ZFAND3: variants seen among roughly 807,000 people sequenced by gnomAD.
ZFAND3 encodes zinc finger AN1-type containing 3, also known as AN1-type zinc finger protein 3.
Under a neutral mutation model 29.6 loss-of-function variants are expected in ZFAND3, and 10 were observed. That is an observed-to-expected ratio of 0.34 (90% confidence interval 0.21 to 0.57). ZFAND3 has a LOEUF of 0.57. Among genes scored for constraint, ZFAND3 ranks in the 20% least tolerant of loss-of-function variants. The pLI is 0.86. For missense variants in ZFAND3, 230 were observed against 304.5 expected, an observed-to-expected ratio of 0.76 and a Z score of 1.82; for synonymous variants, 128 against 112.6, an observed-to-expected ratio of 1.14 and a Z score of -0.87.
chr6:38,097,950 C>T (rs140347746), intron 4 of ZFAND3, among the ~76,000 whole-genome samples: 200 of 152,256 alleles, frequency 1.3e-3, no homozygotes, highest in African/African-American at 4.6e-3. Flanking sequence ...AACAGGTGAG[C>T]GCTGTGAATG....
At chr6:38,086,175 G>A (rs1392300550) in intron 4 of ZFAND3, among the ~76,000 whole-genome samples, 1 of 152,144 alleles carries the variant, frequency 6.6e-6, no homozygotes, top group Non-Finnish European at 1.5e-5. Context: ...GTCTTTGTGA[G>A]ATAGATGGGA....
At chr6:37,967,217 C>G (rs1241709633) in intron 2 of ZFAND3, among the ~76,000 whole-genome samples, 1 of 152,146 alleles carries the variant, frequency 6.6e-6, no homozygotes, top group African/African-American at 2.4e-5. Flanking sequence ...TAATTTGTAT[C>G]TACTTATACT....
chr6:37,929,892 A>C (rs1287384916), intron 1 of ZFAND3, 67 bp from the exon 2 acceptor site: 1 of 1,452,554 alleles, frequency 6.9e-7, no homozygotes. Context: ...CTGACATCTT[A>C]TGTTTTGATT....
intron 2 of ZFAND3, among the ~76,000 whole-genome samples, chr6:38,014,481 C>A (rs1259913040): frequency 6.6e-6 from 1 of 152,068 alleles, no homozygotes; most frequent in East Asian, 1.9e-4. Context: ...CACCTGCCAC[C>A]ATGCCCAGCT....
intron 2 of ZFAND3, among the ~76,000 whole-genome samples, chr6:38,058,833 T>C (rs1400104816): frequency 3.3e-5 from 5 of 152,204 alleles, no homozygotes; most frequent in Non-Finnish European, 5.9e-5. Context: ...CTTGTTAGGG[T>C]TTTCCTGATG....
intron 3 of ZFAND3, among the ~76,000 whole-genome samples, chr6:38,079,081 A>G (rs1764608064): frequency 6.6e-6 from 1 of 152,154 alleles, no homozygotes; most frequent in Admixed American, 6.5e-5. Flanking sequence ...TTGATTTGGA[A>G]CTACCTGTAA....
chr6:37,908,787 T>C (rs941968245), intron 1 of ZFAND3, among the ~76,000 whole-genome samples: 6 of 150,334 alleles, frequency 4.0e-5, no homozygotes, highest in African/African-American at 1.5e-4. Context: ...TGCTTAGAGG[T>C]ACTGAATGCC....
At chr6:37,904,196 G>A (rs1474556618) in intron 1 of ZFAND3, among the ~76,000 whole-genome samples, 1 of 152,222 alleles carries the variant, frequency 6.6e-6, no homozygotes, top group Non-Finnish European at 1.5e-5. Flanking sequence ...GGAAGCCTAT[G>A]TGGGTGTATA....
intron 2 of ZFAND3, among the ~76,000 whole-genome samples, chr6:38,003,538 G>A (rs537749797): frequency 4.0e-5 from 6 of 149,088 alleles, no homozygotes; most frequent in South Asian, 4.2e-4. Flanking sequence ...CACTTTTGTC[G>A]CCCAGGCTGG....
At chr6:38,144,211 A>ATATATATATATAT (rs70981524) in intron 5 of ZFAND3, among the ~76,000 whole-genome samples, 3 of 45,852 alleles carry the variant, frequency 6.5e-5, no homozygotes, top group African/African-American at 2.5e-4. Context: ...ATATATATAT[A>ATATATATATATAT]ATATATAATA....
At chr6:38,144,423 A>C (rs1470996692) in intron 5 of ZFAND3, among the ~76,000 whole-genome samples, 1 of 151,862 alleles carries the variant, frequency 6.6e-6, no homozygotes, top group African/African-American at 2.4e-5. Context: ...TGTCTGCTGG[A>C]GCTCATGTGC....
At chr6:38,124,631 C>T (rs1581938885) in intron 5 of ZFAND3, among the ~76,000 whole-genome samples, 1 of 152,242 alleles carries the variant, frequency 6.6e-6, no homozygotes, top group Non-Finnish European at 1.5e-5. Context: ...CCGCCAAGCC[C>T]ATGCCCATCT....
intron 1 of ZFAND3, among the ~76,000 whole-genome samples, chr6:37,851,707 A>G (rs1038166279): frequency 6.6e-6 from 1 of 152,208 alleles, no homozygotes; most frequent in African/African-American, 2.4e-5. Flanking sequence ...ATAGAAGTAA[A>G]GATTTCTGTC....
Position 37,932,288 on chromosome 6 carries a change from G to A in ZFAND3, c.112+2289G>A, listed in dbSNP as rs74878066. ...AAAAAAAAAAATAAATAAATAAAAGGACTGTATTCTGCTGCTTACCTTATG... is the reference window on the plus strand; with the variant it reads ...AAAAAAAAAAATAAATAAATAAAAGAACTGTATTCTGCTGCTTACCTTATG... On this transcript the variant is annotated intron_variant, in intron 2 of 5. Transcript: ENST00000287218. Among the ~76,000 whole-genome samples, 448 of 151,992 alleles carry A rather than the reference G, an allele frequency of 2.9e-3. 5 individuals are homozygous for A. Among genetic ancestry groups the A allele is most frequent in the African/African-American group, 9.8e-3 (408 of 41,488 alleles).
intron 1 of ZFAND3, among the ~76,000 whole-genome samples, chr6:37,856,973 TCA>T (rs1764395653): frequency 1.3e-5 from 2 of 151,828 alleles, no homozygotes; most frequent in Admixed American, 1.3e-4. Context: ...AGACAAGATC[TCA>T]CTCTGTTACC....
chr6:37,819,826 T>G lies in ZFAND3; in HGVS notation c.-120T>G. The G allele has an allele frequency of 5.7e-5, 27 of 472,458 alleles. No individual in the cohort carries two copies. Among genetic ancestry groups the G allele is most frequent in the South Asian group, 1.8e-4 (2 of 11,158 alleles). 29.3% of individuals were successfully genotyped at this position (472,458 alleles called of 1,614,324 possible). ...GACTCGCGCCCGCCCGCGCGCCCGC[T>G]CCTTCCCCCTCCCCCCGCCCCGAGC... is the stretch of plus-strand genomic sequence containing the variant. On this transcript the variant is annotated 5_prime_UTR_variant, in exon 1 of 6. Coordinates refer to ENST00000287218, the MANE Select transcript of ZFAND3 (RefSeq NM_021943.3).
chr6:37,915,961 G>A (rs910533680), intron 1 of ZFAND3, among the ~76,000 whole-genome samples: 16 of 151,812 alleles, frequency 1.1e-4, no homozygotes, highest in Non-Finnish European at 2.1e-4. Context: ...TAGAGACAGG[G>A]TTTCACCATG....
chr6:37,914,676 T>TTTTCTTTTTTTTTC (rs1761204799), intron 1 of ZFAND3, among the ~76,000 whole-genome samples: 2 of 127,910 alleles, frequency 1.6e-5, no homozygotes, highest in Non-Finnish European at 3.6e-5. Context: ...TTTTTTCTTT[T>TTTTCTTTTTTTTTC]TTTTTTAGTG....
At chr6:37,974,770 A>G (rs139706244) in intron 2 of ZFAND3, among the ~76,000 whole-genome samples, 15 of 152,274 alleles carry the variant, frequency 9.9e-5, no homozygotes, top group African/African-American at 2.6e-4. Flanking sequence ...GTCTATATCA[A>G]TAGTTCATTC....
Sources: allele counts gnomAD v4.1 joint callset (sites outside exome capture counted in the v4.1 genomes callset), GRCh38; gene constraint gnomAD v4.1.1; transcripts MANE v1.5; gene names NCBI Gene and HGNC (gene_info 2026-07-23, HGNC 2026-07-21).